The following MAD1L1 variants were observed in gnomAD, a reference collection of about 807,000 sequenced individuals.
The protein encoded by MAD1L1 is mitotic spindle assembly checkpoint protein MAD1.
MAD1L1 carries 95 observed loss-of-function variants against 96.9 expected under a neutral mutation model. The ratio of observed to expected loss-of-function variants is 0.98; its 90% confidence interval spans 0.83 to 1.16. The LOEUF (loss-of-function observed/expected upper bound fraction) is 1.16, where lower values mean the gene tolerates loss of function less well. MAD1L1 is among the 50% of genes most tolerant of loss of function. The pLI is 0.00. For synonymous variants in MAD1L1, 473 were observed against 396.6 expected (o/e 1.19, Z -2.29); for missense variants, 1,007 against 954.4 (o/e 1.06, Z -0.73).
In MAD1L1 at chr7:2,205,089, T is replaced by TC. The variant is rs1338852966; in HGVS notation, c.986+8122_986+8123insG. ...CTAACCTCACAGGATCTTTTCTTTT[T>TC]TTTTTTTTTTTTTTTTTTGCTTATT... On this transcript the variant is annotated intron_variant, in intron 10 of 18. Transcript: ENST00000265854. Among the ~76,000 whole-genome samples, 5 of 124,920 alleles carry TC rather than the reference T, an allele frequency of 4.0e-5. No homozygotes were observed. The East Asian group carries it at 1.1e-3, about 27-fold the overall frequency. The allele number at this position is 124,920 out of a possible 152,430, so 82.0% of individuals were successfully genotyped here.
chr7:1,874,591 G>C (rs774688395), intron 18 of MAD1L1: 35 of 446,920 alleles, frequency 7.8e-5, no homozygotes, highest in African/African-American at 6.7e-4. Context: ...TCACCTATCA[G>C]CATTACCCAG....
intron 14 of MAD1L1, among the ~76,000 whole-genome samples, chr7:1,998,090 A>G (rs1781638360): frequency 1.3e-5 from 2 of 152,150 alleles, no homozygotes; most frequent in Non-Finnish European, 2.9e-5. Flanking sequence ...AAGAGAAAAA[A>G]CACAGGTTGA....
rs536089534 is a variant in MAD1L1, at chr7:2,128,914, C to T, written c.1073+20238G>A. 2.6e-4 allele frequency among the ~76,000 whole-genome samples: 39 copies of T among 152,308 alleles called. 1 individual carries two copies. Among genetic ancestry groups the T allele is most frequent in the Admixed American group, 1.8e-3 (27 of 15,298 alleles). Reference sequence around the variant, plus strand: ...GCTTCCCACGCGGCAGTCAGGCACACGGACCACAGGGAGGAGGAGAAAAGC... The same window carrying T: ...GCTTCCCACGCGGCAGTCAGGCACATGGACCACAGGGAGGAGGAGAAAAGC... On this transcript the variant is annotated intron_variant, in intron 11 of 18. Coordinates refer to ENST00000265854, the MANE Select transcript of MAD1L1 (RefSeq NM_001013836.2).
intron 11 of MAD1L1, among the ~76,000 whole-genome samples, chr7:2,129,636 TG>T (rs1788415925): frequency 6.6e-6 from 1 of 152,174 alleles, no homozygotes; most frequent in South Asian, 2.1e-4. Flanking sequence ...CTAACAAAGA[TG>T]GTCTCCCTGA....
At chr7:2,092,682 C>T (rs372758249) in intron 11 of MAD1L1, among the ~76,000 whole-genome samples, 21 of 152,210 alleles carry the variant, frequency 1.4e-4, no homozygotes, top group African/African-American at 4.6e-4. Context: ...CTTATATATT[C>T]TGGATACCAG....
At chr7:2,125,252 G>A (rs558361642) in intron 11 of MAD1L1, among the ~76,000 whole-genome samples, 112 of 152,276 alleles carry the variant, frequency 7.4e-4, no homozygotes, top group African/African-American at 2.4e-3. Flanking sequence ...GGGTGGGGGC[G>A]GCGCCACGAG....
chr7:1,891,249 G>C (rs534311991), intron 18 of MAD1L1, among the ~76,000 whole-genome samples: 19 of 152,330 alleles, frequency 1.2e-4, no homozygotes, highest in South Asian at 1.2e-3. Flanking sequence ...TAATAGGCTG[G>C]GTGCGGTGGC....
intron 12 of MAD1L1, among the ~76,000 whole-genome samples, chr7:2,031,214 G>A (rs1783211858): frequency 6.6e-6 from 1 of 152,180 alleles, no homozygotes; most frequent in African/African-American, 2.4e-5. Context: ...TCTGCCTGCA[G>A]CTGCACCAGG....
At chr7:2,044,548 C>G (rs1009940089) in intron 12 of MAD1L1, among the ~76,000 whole-genome samples, 1 of 152,140 alleles carries the variant, frequency 6.6e-6, no homozygotes, top group African/African-American at 2.4e-5. Context: ...CACAATTTCC[C>G]AAATGGTTCA....
chr7:2,195,917 G>A (rs1463802832), intron 10 of MAD1L1, among the ~76,000 whole-genome samples: 1 of 152,256 alleles, frequency 6.6e-6, no homozygotes, highest in South Asian at 2.1e-4. Flanking sequence ...CTTCATGCCC[G>A]CACATGTGCT....
At chr7:1,861,111 T>C (rs554540874) in intron 18 of MAD1L1, among the ~76,000 whole-genome samples, 376 of 152,178 alleles carry the variant, frequency 2.5e-3, no homozygotes, top group Non-Finnish European at 4.6e-3. Context: ...ACCCTGCCCC[T>C]GACTGGACAA....
At chr7:2,211,626 C>A (rs1562376527) in intron 10 of MAD1L1, among the ~76,000 whole-genome samples, 1 of 152,214 alleles carries the variant, frequency 6.6e-6, no homozygotes, top group Non-Finnish European at 1.5e-5. Context: ...AGAGAACAGA[C>A]AGAAGCACAA....
At chr7:2,082,406 C>T (rs1336667725) in intron 11 of MAD1L1, among the ~76,000 whole-genome samples, 1 of 152,006 alleles carries the variant, frequency 6.6e-6, no homozygotes, top group Non-Finnish European at 1.5e-5. Flanking sequence ...ATGGGAGAGA[C>T]AGAAGGAGAG....
intron 11 of MAD1L1, among the ~76,000 whole-genome samples, chr7:2,098,636 G>A (rs1786622018): frequency 6.6e-6 from 1 of 152,168 alleles, no homozygotes; most frequent in South Asian, 2.1e-4. Context: ...CGTCCATCCA[G>A]CACAGCCCTG....
At chr7:1,893,296 G>T (rs1233328705) in intron 18 of MAD1L1, among the ~76,000 whole-genome samples, 1 of 110,376 alleles carries the variant, frequency 9.1e-6, no homozygotes, top group East Asian at 2.4e-4. Flanking sequence ...GTCCTGGCTG[G>T]GATGGGAAGC....
At chr7:1,972,581 TAG>T (rs1780453244) in intron 15 of MAD1L1, among the ~76,000 whole-genome samples, 1 of 137,912 alleles carries the variant, frequency 7.3e-6, no homozygotes, top group South Asian at 2.6e-4. Flanking sequence ...TCAAATTTGC[TAG>T]AGATTTGTCA....
intron 16 of MAD1L1, among the ~76,000 whole-genome samples, chr7:1,948,948 GACACTCGTACAAC>G (rs1779356787): frequency 6.6e-6 from 1 of 152,228 alleles, no homozygotes; most frequent in Non-Finnish European, 1.5e-5. Context: ...ACCCAGGCCA[GACACTCGTACAAC>G]ACAGGAGGGG....
chr7:2,156,417 C>T (rs1276181820), intron 10 of MAD1L1, among the ~76,000 whole-genome samples: 3 of 151,636 alleles, frequency 2.0e-5, no homozygotes, highest in Non-Finnish European at 4.4e-5. Flanking sequence ...CCCCACCCCA[C>T]CCCACTGAAT....
intron 11 of MAD1L1, among the ~76,000 whole-genome samples, chr7:2,074,320 G>T (rs1227136046): frequency 1.3e-5 from 2 of 152,082 alleles, no homozygotes; most frequent in African/African-American, 4.8e-5. Context: ...AAGACCCTCA[G>T]GCGCCAAGGA....
Sources: allele counts gnomAD v4.1 joint callset (sites outside exome capture counted in the v4.1 genomes callset), GRCh38; gene constraint gnomAD v4.1.1; transcripts MANE v1.5; gene names NCBI Gene and HGNC (gene_info 2026-07-23, HGNC 2026-07-21).